The following RBFOX1 variants were observed in gnomAD, a reference collection of about 807,000 sequenced individuals.
RBFOX1 encodes RNA binding protein fox-1 homolog 1.
Under a neutral mutation model 57.7 loss-of-function variants are expected in RBFOX1, and 8 were observed. That is an observed-to-expected ratio of 0.14 (90% CI 0.08 to 0.25). RBFOX1 has a LOEUF of 0.25. RBFOX1 is among the 10% of genes least tolerant of loss of function. The probability of loss-of-function intolerance (pLI) is 1.00; values close to 1 mark genes in which losing one functional copy is unlikely to be tolerated. For missense variants in RBFOX1, 611 were observed against 548.5 expected (o/e 1.11, Z -1.14); for synonymous variants, 326 against 222.4 (o/e 1.47, Z -4.15).
chr16:7,021,300 C>A (rs907833046), intron 3 of RBFOX1, among the ~76,000 whole-genome samples: 13 of 147,928 alleles, frequency 8.8e-5, no homozygotes, highest in African/African-American at 3.3e-4. Flanking sequence ...TTTTCTCTCT[C>A]TCTCTATATA....
At chr16:7,425,398 C>G (rs376780816) in intron 4 of RBFOX1, among the ~76,000 whole-genome samples, 4 of 152,168 alleles carry the variant, frequency 2.6e-5, no homozygotes, top group African/African-American at 9.7e-5. Context: ...TTCCCTCAAC[C>G]GGATCATGTA....
chr16:6,761,882 C>T (rs770298507), intron 3 of RBFOX1, among the ~76,000 whole-genome samples: 1 of 152,050 alleles, frequency 6.6e-6, no homozygotes, highest in Non-Finnish European at 1.5e-5. Context: ...CAAGCAGGTA[C>T]CTTCTTCCTC....
chr16:7,187,288 T>G (rs1356252856), intron 4 of RBFOX1, among the ~76,000 whole-genome samples: 1 of 144,868 alleles, frequency 6.9e-6, no homozygotes, highest in African/African-American at 2.9e-5. Context: ...TTAAAGTAAT[T>G]TTTTCTTAAA....
intron 1 of RBFOX1, among the ~76,000 whole-genome samples, chr16:6,061,148 G>A (rs915706939): frequency 1.3e-5 from 2 of 152,156 alleles, no homozygotes; most frequent in Non-Finnish European, 2.9e-5. Flanking sequence ...ACCAGAGGAG[G>A]GTCATGGTTG....
At chr16:5,278,950 G>T (rs144159722) in intron 1 of RBFOX1, among the ~76,000 whole-genome samples, 1 of 152,094 alleles carries the variant, frequency 6.6e-6, no homozygotes. Context: ...TTGTTTTTGT[G>T]TCTGTTTTAA....
intron 4 of RBFOX1, among the ~76,000 whole-genome samples, chr16:7,397,723 T>A (rs935731017): frequency 6.6e-6 from 1 of 152,200 alleles, no homozygotes; most frequent in African/African-American, 2.4e-5. Flanking sequence ...GATTTTGACA[T>A]GTGTATTCAC....
Position 7,560,783 on chromosome 16 carries a change from G to C in RBFOX1, c.271-18994G>C, listed in dbSNP as rs78361061. On this transcript the variant is annotated intron_variant, in intron 5 of 15. Transcript: ENST00000550418. The stretch of plus-strand genomic sequence containing the variant: ...GATGAGAGATGATCCCAAGACTAGC[G>C]GATGTTTCCCTTTCTTCATTTTAAG... 6.1e-3 allele frequency among the ~76,000 whole-genome samples: 924 copies of C among 152,204 alleles called. 3 individuals carry two copies. The highest frequency in any genetic ancestry group is 0.01 in the Middle Eastern group (3 of 294).
At chr16:5,675,420 A>T (rs552098445) in intron 3 of RBFOX1, among the ~76,000 whole-genome samples, 2 of 152,292 alleles carry the variant, frequency 1.3e-5, no homozygotes, top group African/African-American at 4.8e-5. Context: ...CTGGGTTTTC[A>T]GCCAGGCGGC....
At chr16:7,269,250 C>G (rs1044756933) in intron 4 of RBFOX1, among the ~76,000 whole-genome samples, 3 of 152,052 alleles carry the variant, frequency 2.0e-5, no homozygotes, top group Admixed American at 6.5e-5. Flanking sequence ...TCCTGCTAGA[C>G]ATAGACACAT....
intron 3 of RBFOX1, among the ~76,000 whole-genome samples, chr16:6,805,472 T>C (rs1427590916): frequency 6.6e-6 from 1 of 152,062 alleles, no homozygotes; most frequent in Non-Finnish European, 1.5e-5. Context: ...AAATAATCTG[T>C]ACCATCCCCA....
At chr16:6,387,672 G>C in intron 2 of RBFOX1, among the ~76,000 whole-genome samples, 1 of 152,218 alleles carries the variant, frequency 6.6e-6, no homozygotes, top group Middle Eastern at 3.4e-3. Flanking sequence ...TTAGCTTTAT[G>C]CACTTGGGAT....
intron 1 of RBFOX1, among the ~76,000 whole-genome samples, chr16:6,094,623 C>G (rs1320455097): frequency 4.6e-5 from 7 of 152,198 alleles, no homozygotes; most frequent in Admixed American, 2.0e-4. Context: ...TCAGCTCCTT[C>G]TAGTTTTTAT....
At chr16:5,407,957 A>C (rs2066910382) in intron 1 of RBFOX1, among the ~76,000 whole-genome samples, 1 of 152,224 alleles carries the variant, frequency 6.6e-6, no homozygotes, top group Non-Finnish European at 1.5e-5. Flanking sequence ...ATTTGGATTG[A>C]ACAGCCTTAG....
At chr16:6,014,501 C>T (rs553859162), upstream of RBFOX1, among the ~76,000 whole-genome samples, 13 of 152,278 alleles carry the variant, frequency 8.5e-5, no homozygotes, top group South Asian at 1.5e-3. Flanking sequence ...CTGACCTACA[C>T]GATAGATGGT....
At chr16:6,940,861 G>GTA (rs2078297738) in intron 3 of RBFOX1, among the ~76,000 whole-genome samples, 1 of 110,710 alleles carries the variant, frequency 9.0e-6, no homozygotes. Flanking sequence ...CTGTGTGTGT[G>GTA]TGTGTGTGTG....
intron 4 of RBFOX1, among the ~76,000 whole-genome samples, chr16:7,273,421 A>T (rs761958876): frequency 1.3e-5 from 2 of 152,026 alleles, no homozygotes; most frequent in Admixed American, 6.6e-5. Flanking sequence ...TCTAGCTTCT[A>T]ATCTAAACAA....
chr16:7,170,675 G>A (rs546741958), intron 4 of RBFOX1, among the ~76,000 whole-genome samples: 57 of 152,242 alleles, frequency 3.7e-4, no homozygotes, highest in African/African-American at 1.1e-3. Flanking sequence ...ATTCAGAGTT[G>A]TTTTGTTTTC....
chr16:6,706,460 GC>G (rs2062763167), intron 3 of RBFOX1, among the ~76,000 whole-genome samples: 1 of 152,192 alleles, frequency 6.6e-6, no homozygotes, highest in African/African-American at 2.4e-5. Flanking sequence ...TGGATGGGGG[GC>G]CCCTGTAGGA....
At chr16:5,856,575 G>GTGTGTATATATATA (rs1192496608) in intron 3 of RBFOX1, among the ~76,000 whole-genome samples, 7 of 32,924 alleles carry the variant, frequency 2.1e-4, no homozygotes, top group African/African-American at 5.0e-4. Context: ...GTGTGTGTGT[G>GTGTGTATATATATA]TATATATATA....
Sources: allele counts gnomAD v4.1 joint callset (sites outside exome capture counted in the v4.1 genomes callset), GRCh38; gene constraint gnomAD v4.1.1; transcripts MANE v1.5; gene names NCBI Gene and HGNC (gene_info 2026-07-23, HGNC 2026-07-21).